BIN1: variants seen among roughly 807,000 people sequenced by gnomAD.
BIN1 encodes the protein bridging integrator 1, also known as myc box-dependent-interacting protein 1.
BIN1 carries 53 observed loss-of-function variants against 82.0 expected under a neutral mutation model. The observed-to-expected ratio is 0.65, with a 90% CI of 0.52 to 0.81. BIN1 has a LOEUF of 0.81. BIN1 is among the 40% of genes least tolerant of loss of function. BIN1 has a pLI of 0.00. For missense variants in BIN1, 642 were observed against 784.4 expected, an observed-to-expected ratio of 0.82 and a Z score of 2.17; for synonymous variants, 302 against 328.0, an observed-to-expected ratio of 0.92 and a Z score of 0.86.
At chr2:127,105,893 T>C (rs1368205810) in intron 1 of BIN1, among the ~76,000 whole-genome samples, 1 of 152,126 alleles carries the variant, frequency 6.6e-6, no homozygotes, top group Non-Finnish European at 1.5e-5. Context: ...GATTTCAGAG[T>C]TGGAGTCGTC....
In BIN1 at chr2:127,048,308, G is replaced by C. The variant is rs182264775; in HGVS notation, c.*218C>G. 23 of 563,156 alleles carry C rather than the reference G, an allele frequency of 4.1e-5. No individual in the cohort carries two copies. The highest frequency in any genetic ancestry group is 7.0e-5 in the Non-Finnish European group (22 of 314,244). 34.9% of individuals were successfully genotyped at this position (563,156 alleles called of 1,614,324 possible). A position where few individuals can be genotyped will look rare whatever the true frequency, so the allele number is the denominator to read the frequency against. ...AGAAACTCAACTAGAGGACACAGCAGCTTCAGGAACACTGGTGAATTCCGC... is the reference window on the plus strand; with the variant it reads ...AGAAACTCAACTAGAGGACACAGCACCTTCAGGAACACTGGTGAATTCCGC... On this transcript the variant is annotated 3_prime_UTR_variant, in exon 19 of 19. Coordinates refer to ENST00000316724, the MANE Select transcript of BIN1 (RefSeq NM_139343.3).
intron 1 of BIN1, among the ~76,000 whole-genome samples, chr2:127,086,477 G>C (rs1678173168): frequency 6.6e-6 from 1 of 151,884 alleles, no homozygotes; most frequent in South Asian, 2.1e-4. Flanking sequence ...AGGAAGGCCT[G>C]GCCTCGCCCC....
chr2:127,075,681 CCTCCCAGCTGCTCCCAGCCCT>C (rs1686490856), intron 2 of BIN1, among the ~76,000 whole-genome samples: 1 of 151,476 alleles, frequency 6.6e-6, no homozygotes, highest in Non-Finnish European at 1.5e-5. Context: ...TGCTCCCAGC[CCTCCCAGCTGCTCCCAGCCCT>C]CTCCCAGAAT....
chr2:127,070,426 C>T (rs552799879), intron 4 of BIN1, 127 bp downstream of exon 4: 1 of 1,188,190 alleles, frequency 8.4e-7, no homozygotes, highest in Admixed American at 1.8e-5. Flanking sequence ...GCAGCTTGCC[C>T]CAGGGCACAC....
At chr2:127,069,695 C>T (rs1297242135) in intron 5 of BIN1, among the ~76,000 whole-genome samples, 1 of 151,956 alleles carries the variant, frequency 6.6e-6, no homozygotes, top group Non-Finnish European at 1.5e-5. Flanking sequence ...CACCCTTCTA[C>T]ACCTTCCACA....
At position 127,059,895 on chromosome 2, in the gene BIN1, C is replaced by G. The variant is rs1373236551; in HGVS notation, c.858-740G>C. ...TTCTCTACCAGAACCTGCACAGAGA[C>G]GCCTAGAAAAGTGCTGCCCAGTACG... On this transcript the variant is annotated intron_variant, in intron 10 of 18. Transcript: ENST00000316724. The surrounding 1 kb of genome is among the most constrained non-coding windows in gnomAD (Gnocchi z 6.7). Among the ~76,000 whole-genome samples the G allele has an allele frequency of 1.3e-5, 2 of 152,162 alleles. No homozygotes were observed. The highest frequency in any genetic ancestry group is 2.4e-5 in the African/African-American group (1 of 41,428).
Position 127,062,097 on chromosome 2 carries a change from G to A in BIN1, c.857+18C>T, listed in dbSNP as rs1244052584. On this transcript the variant is annotated intron_variant, in intron 10 of 18. Transcript: ENST00000316724. ...CCGTGCACACAGTCAGGGGCGCCAG[G>A]GCTCTCCCCGCACGCACCTGGGCTG... The A allele has an allele frequency of 1.3e-6, 2 of 1,593,376 alleles. No individual in the cohort carries two copies. Among genetic ancestry groups the A allele is most frequent in the Non-Finnish European group, 1.7e-6 (2 of 1,170,580 alleles).
Position 127,068,028 on chromosome 2 carries a change from T to A in BIN1, c.612+135A>T, listed in dbSNP as rs1685366252. ...CTTCAGGTCTCCTCTGAAGCAGAGCTCTCCCAGCAGAGGCCTTTGAAAAAC... is the reference window on the plus strand; with the variant it reads ...CTTCAGGTCTCCTCTGAAGCAGAGCACTCCCAGCAGAGGCCTTTGAAAAAC... On this transcript the variant is annotated intron_variant, in intron 7 of 18. Transcript: ENST00000316724. This position sits in a 1 kb window ranked among gnomAD's most constrained non-coding sequence, Gnocchi z 4.9. The A allele has an allele frequency of 1.1e-6, 1 of 882,682 alleles. No individual in the cohort carries two copies. Among genetic ancestry groups the A allele is most frequent in the Admixed American group, 2.0e-5 (1 of 49,838 alleles). The allele number at this position is 882,682 out of a possible 1,614,324, so 54.7% of individuals were successfully genotyped here.
intron 11 of BIN1, among the ~76,000 whole-genome samples, 188 bp downstream of exon 11, chr2:127,058,823 G>A (rs1684050584): frequency 6.6e-6 from 1 of 152,178 alleles, no homozygotes; most frequent in African/African-American, 2.4e-5. Flanking sequence ...GATGCCTCCC[G>A]GAAGCATGCC....
chr2:127,091,231 C>CAGT (rs1678883450), intron 1 of BIN1, among the ~76,000 whole-genome samples: 1 of 152,128 alleles, frequency 6.6e-6, no homozygotes, highest in Non-Finnish European at 1.5e-5. Flanking sequence ...ACAGGCACCC[C>CAGT]ACGCAGCACA....
chr2:127,061,405 G>A (rs1001196564), intron 10 of BIN1, among the ~76,000 whole-genome samples: 4 of 152,242 alleles, frequency 2.6e-5, no homozygotes, highest in East Asian at 1.9e-4. Context: ...AGAGTCCATC[G>A]GTGTTCTCTG....
At chr2:127,103,517 G>A (rs556700328) in intron 1 of BIN1, among the ~76,000 whole-genome samples, 2 of 152,158 alleles carry the variant, frequency 1.3e-5, no homozygotes, top group Non-Finnish European at 2.9e-5. Context: ...AGGACCTGCC[G>A]GGAGGGAGGG....
Position 127,068,328 on chromosome 2 carries a change from A to T in BIN1, c.520-73T>A. 1 of 1,303,248 alleles carries T rather than the reference A, an allele frequency of 7.7e-7. No individual in the cohort carries two copies. Among genetic ancestry groups the T allele is most frequent in the East Asian group, 2.4e-5 (1 of 41,492 alleles). 80.7% of individuals were successfully genotyped at this position (1,303,248 alleles called of 1,614,324 possible). On this transcript the variant is annotated intron_variant, in intron 6 of 18. Transcript: ENST00000316724. The surrounding 1 kb of genome is among the most constrained non-coding windows in gnomAD (Gnocchi z 4.9). ...TGGGGAGAGAGAAACAGAGACACAC[A>T]GATTAAATGCAGGTCCACACGCCCC... is the stretch of plus-strand genomic sequence containing the variant.
In BIN1 at chr2:127,081,136, C is replaced by T. The variant is rs546505657; in HGVS notation, c.85-4430G>A. Among the ~76,000 whole-genome samples the T allele has an allele frequency of 1.5e-4, 23 of 152,336 alleles. No homozygotes were observed. The East Asian group carries it at 2.5e-3, about 17-fold the overall frequency. On this transcript the variant is annotated intron_variant, in intron 1 of 18. Coordinates refer to ENST00000316724, the MANE Select transcript of BIN1 (RefSeq NM_139343.3). ...TGGCAGGCAAGGCCCTGACCCACAG[C>T]GTGAGTCATGGGGCACAGGCAGTGC...
At position 127,107,086 on chromosome 2, in the gene BIN1, G is replaced by C. The variant is rs933122224; in HGVS notation, c.-143C>G. 5 of 874,314 alleles carry C rather than the reference G, an allele frequency of 5.7e-6. No individual in the cohort carries two copies. Among genetic ancestry groups the C allele is most frequent in the Non-Finnish European group, 7.8e-6 (5 of 644,740 alleles). The allele number at this position is 874,314 out of a possible 1,614,324, so 54.2% of individuals were successfully genotyped here. On this transcript the variant is annotated 5_prime_UTR_variant, in exon 1 of 19. Transcript: ENST00000316724. The surrounding 1 kb of genome is among the most constrained non-coding windows in gnomAD (Gnocchi z 5.9). ...GCACCCGACAGCGGAGCCAACTGAC[G>C]GAGGCGGAGCGTGCGCCGGACGGGC...
At chr2:127,072,370 C>T (rs1450138173) in intron 2 of BIN1, among the ~76,000 whole-genome samples, 2 of 152,238 alleles carry the variant, frequency 1.3e-5, no homozygotes, top group Non-Finnish European at 2.9e-5. Flanking sequence ...ACCACTGTCC[C>T]ACCTGACAGC....
intron 18 of BIN1, 80 bp downstream of exon 18, chr2:127,050,341 T>C: frequency 4.0e-6 from 6 of 1,512,690 alleles, no homozygotes; most frequent in African/African-American, 1.4e-5. Context: ...CCTGCTGGCC[T>C]GTCTCCGCCA....
chr2:127,075,027 A>C (rs1013222646), intron 2 of BIN1, among the ~76,000 whole-genome samples: 13 of 151,964 alleles, frequency 8.6e-5, no homozygotes, highest in African/African-American at 2.9e-4. Flanking sequence ...AGGGGCCCCC[A>C]CCACCTCCAC....
rs1679155903 is a variant in BIN1 at position 127,093,128 on chromosome 2, G to C, written c.84+13732C>G. Among the ~76,000 whole-genome samples the C allele has an allele frequency of 6.6e-6, 1 of 152,300 alleles. No homozygotes were observed. Among genetic ancestry groups the C allele is most frequent in the African/African-American group, 2.4e-5 (1 of 41,564 alleles). On this transcript the variant is annotated intron_variant, in intron 1 of 18. Coordinates refer to ENST00000316724, the MANE Select transcript of BIN1 (RefSeq NM_139343.3). This position sits in a 1 kb window ranked among gnomAD's most constrained non-coding sequence, Gnocchi z 5.7. ...AGGGGTCAGGGAGGGAGGGCGGAAG[G>C]GGAAGTGGGGGCTTACAGTATCACC...
Sources: gnomAD v4.1 joint callset for allele counts (sites outside exome capture counted in the v4.1 genomes callset) on GRCh38, gnomAD v4.1.1 for gene constraint, Gnocchi (gnomAD v3.1) non-coding constraint, MANE v1.5 for transcripts, NCBI Gene and HGNC (gene_info 2026-07-23, HGNC 2026-07-21) for gene names.